DEXI: variants seen among roughly 807,000 people sequenced by gnomAD.
DEXI encodes Dexi homolog, also known as dexamethasone-induced protein.
Under a neutral mutation model 2.5 loss-of-function variants are expected in DEXI, and 2 were observed. That is an observed-to-expected ratio of 0.81 (90% CI 0.33 to 2.55). DEXI has a LOEUF of 2.55. Among genes scored for constraint, DEXI ranks in the 30% most tolerant of loss-of-function variants. The pLI is 0.11. For missense variants in DEXI, 108 were observed against 130.3 expected (o/e 0.83, Z 0.83); for synonymous variants, 71 against 68.7 (o/e 1.03, Z -0.17).
chr16:10,929,310 G>C lies in DEXI; in HGVS notation c.*399C>G. The C allele has an allele frequency of 3.0e-6, 3 of 985,960 alleles. No individual in the cohort carries two copies. Among genetic ancestry groups the C allele is most frequent in the Non-Finnish European group, 3.6e-6 (3 of 829,976 alleles). 61.1% of individuals were successfully genotyped at this position (985,960 alleles called of 1,614,324 possible). ...GGGGGAAGCAGGTGCGCTCCGGGAT[G>C]AAGTGCAGGGAGGCAAACTCTGGCT... On this transcript the variant is annotated 3_prime_UTR_variant, in exon 2 of 2. Coordinates refer to ENST00000331808, the MANE Select transcript of DEXI (RefSeq NM_014015.4). This position sits in a 1 kb window ranked among gnomAD's most constrained non-coding sequence, Gnocchi z 4.3.
rs1385454069 is a variant in DEXI at position 10,929,277 on chromosome 16, G to A, written c.*432C>T. The A allele has an allele frequency of 1.0e-6, 1 of 985,846 alleles. No individual in the cohort carries two copies. 61.1% of individuals were successfully genotyped at this position (985,846 alleles called of 1,614,324 possible). A position where few individuals can be genotyped will look rare whatever the true frequency, so the allele number is the denominator to read the frequency against. On this transcript the variant is annotated 3_prime_UTR_variant, in exon 2 of 2. Coordinates refer to ENST00000331808, the MANE Select transcript of DEXI (RefSeq NM_014015.4). The surrounding 1 kb of genome is among the most constrained non-coding windows in gnomAD (Gnocchi z 4.3). ...CGCAGTTTGAAGTGTCCTCTCCGAAGGTGAAGTGGGGGAAGCAGGTGCGCT... is the reference window on the plus strand; with the variant it reads ...CGCAGTTTGAAGTGTCCTCTCCGAAAGTGAAGTGGGGGAAGCAGGTGCGCT...
At chr16:10,930,674 C>G (rs2040747518) in intron 1 of DEXI, 1 of 152,206 alleles carries the variant, frequency 6.6e-6, no homozygotes, top group Non-Finnish European at 1.5e-5. Context: ...GGTACCATTT[C>G]CTGAGCTCTT....
chr16:10,936,133 G>C (rs2041013590), intron 1 of DEXI: 1 of 152,014 alleles, frequency 6.6e-6, no homozygotes, highest in Non-Finnish European at 1.5e-5. Context: ...TGGGACTATG[G>C]GCGTGTACCA....
At chr16:10,930,363 G>A (rs2040733134) in intron 1 of DEXI, 1 of 152,142 alleles carries the variant, frequency 6.6e-6, no homozygotes, top group African/African-American at 2.4e-5. Context: ...TGGCTGTTCT[G>A]GGCACTGAGC....
Position 10,941,698 on chromosome 16 carries a change from G to A in DEXI, c.*20C>T, listed in dbSNP as rs757816732. On this transcript the variant is annotated 3_prime_UTR_variant, in exon 1 of 2. Transcript: ENST00000331808. This position sits in a 1 kb window ranked among gnomAD's most constrained non-coding sequence, Gnocchi z 6.4. The stretch of plus-strand genomic sequence containing the variant: ...TGGGTTGCGGATCGTGTAGGGAAGA[G>A]GGGAACAGCAGTCGAGACCCTACTC... 4 of 1,591,670 alleles carry A rather than the reference G, an allele frequency of 2.5e-6. No homozygotes were observed. The South Asian group carries it at 3.4e-5, about 14-fold the overall frequency.
chr16:10,940,384 G>A lies in DEXI; in HGVS notation c.*149+1185C>T, dbSNP rs1008699279. 9.9e-5 allele frequency: 15 copies of A among 152,272 alleles called. No individual in the cohort carries two copies. The highest frequency in any genetic ancestry group is 9.8e-4 in the Admixed American group (15 of 15,292). 9.4% of individuals were successfully genotyped at this position (152,272 alleles called of 1,614,324 possible). ...AGCAGACTGAACTAAGACACCCTCT[G>A]CCTGTGGTTGTCTTGGCAAAGCCAG... On this transcript the variant is annotated intron_variant, in intron 1 of 1. Coordinates refer to ENST00000331808, the MANE Select transcript of DEXI (RefSeq NM_014015.4). The surrounding 1 kb of genome is among the most constrained non-coding windows in gnomAD (Gnocchi z 4.2).
chr16:10,935,463 T>C (rs988511793), intron 1 of DEXI: 2 of 152,264 alleles, frequency 1.3e-5, no homozygotes, highest in African/African-American at 2.4e-5. Flanking sequence ...AGTTAGTGTT[T>C]TTATCCATGC....
At position 10,939,257 on chromosome 16, in the gene DEXI, G is replaced by C. The variant is rs1020574397; in HGVS notation, c.*149+2312C>G. The stretch of plus-strand genomic sequence containing the variant: ...CCAAGCCTCTGTCACCTCTGGCCTG[G>C]ACAACTAACAGCATCTGAGGTGGTG... On this transcript the variant is annotated intron_variant, in intron 1 of 1. Coordinates refer to ENST00000331808, the MANE Select transcript of DEXI (RefSeq NM_014015.4). This position sits in a 1 kb window ranked among gnomAD's most constrained non-coding sequence, Gnocchi z 4.9. The C allele has an allele frequency of 6.6e-6, 1 of 152,204 alleles. No homozygotes were observed. Among genetic ancestry groups the C allele is most frequent in the African/African-American group, 2.4e-5 (1 of 41,418 alleles). 9.4% of individuals were successfully genotyped at this position (152,204 alleles called of 1,614,324 possible). A position where few individuals can be genotyped will look rare whatever the true frequency, so the allele number is the denominator to read the frequency against.
Position 10,942,180 on chromosome 16 carries a change from G to T in DEXI, c.-175C>A. 2.0e-6 allele frequency: 1 copy of T among 495,684 alleles called. No homozygotes were observed. The highest frequency in any genetic ancestry group is 5.0e-5 in the South Asian group (1 of 19,848). 30.7% of individuals were successfully genotyped at this position (495,684 alleles called of 1,614,324 possible). A position where few individuals can be genotyped will look rare whatever the true frequency, so the allele number is the denominator to read the frequency against. On this transcript the variant is annotated 5_prime_UTR_variant, in exon 1 of 2. Coordinates refer to ENST00000331808, the MANE Select transcript of DEXI (RefSeq NM_014015.4). The surrounding 1 kb of genome is among the most constrained non-coding windows in gnomAD (Gnocchi z 5.0). ...TGCGCCCCGACCCCCGAAATGCGCC[G>T]GGCGGGTCACCGCACCCCGAGATGT...
At position 10,941,714 on chromosome 16, in the gene DEXI, G is replaced by C; in HGVS notation, c.*4C>G. ...TAGGGAAGAGGGGAACAGCAGTCGA[G>C]ACCCTACTCCAAGTACGCATCAAAG... On this transcript the variant is annotated 3_prime_UTR_variant, in exon 1 of 2. Coordinates refer to ENST00000331808, the MANE Select transcript of DEXI (RefSeq NM_014015.4). This position sits in a 1 kb window ranked among gnomAD's most constrained non-coding sequence, Gnocchi z 6.4. 4 of 1,603,968 alleles carry C rather than the reference G, an allele frequency of 2.5e-6. No individual in the cohort carries two copies. The highest frequency in any genetic ancestry group is 3.4e-6 in the Non-Finnish European group (4 of 1,174,564).
chr16:10,942,361 G>A lies in DEXI; in HGVS notation c.-356C>T, dbSNP rs529197150. The stretch of plus-strand genomic sequence containing the variant: ...CGGCTCAGTGTCTAGGGCCGGTCCC[G>A]GCAGCCTTCTCTCCCGCCCCGCCCC... On this transcript the variant is annotated 5_prime_UTR_variant, in exon 1 of 2. Coordinates refer to ENST00000331808, the MANE Select transcript of DEXI (RefSeq NM_014015.4). The surrounding 1 kb of genome is among the most constrained non-coding windows in gnomAD (Gnocchi z 5.0). 10 of 189,152 alleles carry A rather than the reference G, an allele frequency of 5.3e-5. No homozygotes were observed. The South Asian group carries it at 7.7e-4, about 15-fold the overall frequency. 11.7% of individuals were successfully genotyped at this position (189,152 alleles called of 1,614,324 possible).
Position 10,939,379 on chromosome 16 carries a change from A to T in DEXI, c.*149+2190T>A, listed in dbSNP as rs1366233857. The T allele has an allele frequency of 1.3e-5, 2 of 152,350 alleles. No individual in the cohort carries two copies. Among genetic ancestry groups the T allele is most frequent in the Non-Finnish European group, 2.9e-5 (2 of 68,084 alleles). 9.4% of individuals were successfully genotyped at this position (152,350 alleles called of 1,614,324 possible). A position where few individuals can be genotyped will look rare whatever the true frequency, so the allele number is the denominator to read the frequency against. On this transcript the variant is annotated intron_variant, in intron 1 of 1. Transcript: ENST00000331808. This position sits in a 1 kb window ranked among gnomAD's most constrained non-coding sequence, Gnocchi z 4.9. ...TGGGATTGTGTCATCTCCTGCCTAGAACCTTCCAATGGCTTTCCACTGCTC... is the reference window on the plus strand; with the variant it reads ...TGGGATTGTGTCATCTCCTGCCTAGTACCTTCCAATGGCTTTCCACTGCTC...
In DEXI at chr16:10,942,122, A is replaced by G; in HGVS notation, c.-117T>C. ...CAGGGGTACCCTGGAGCCCGACAGA[A>G]GCAGGGCCGGGCTCCAGATGTCCCC... On this transcript the variant is annotated 5_prime_UTR_variant, in exon 1 of 2. Coordinates refer to ENST00000331808, the MANE Select transcript of DEXI (RefSeq NM_014015.4). The surrounding 1 kb of genome is among the most constrained non-coding windows in gnomAD (Gnocchi z 5.0). 1 of 744,808 alleles carries G rather than the reference A, an allele frequency of 1.3e-6. No individual in the cohort carries two copies. The highest frequency in any genetic ancestry group is 1.9e-6 in the Non-Finnish European group (1 of 518,532). The allele number at this position is 744,808 out of a possible 1,614,324, so 46.1% of individuals were successfully genotyped here.
intron 1 of DEXI, chr16:10,931,292 CA>C: frequency 6.5e-6 from 1 of 152,832 alleles, no homozygotes; most frequent in East Asian, 1.9e-4. Context: ...GCCTGGGTGA[CA>C]GAGACCCTGT....
rs2040662648 is a variant in DEXI, at chr16:10,929,126, G to T, written c.*583C>A. On this transcript the variant is annotated 3_prime_UTR_variant, in exon 2 of 2. Transcript: ENST00000331808. This position sits in a 1 kb window ranked among gnomAD's most constrained non-coding sequence, Gnocchi z 4.3. The stretch of plus-strand genomic sequence containing the variant: ...CCTCAGCCCCCCAACAGCTTCCTCA[G>T]CTTCTTTTTCTTCTGAGTCACCCCT... The T allele has an allele frequency of 2.4e-6, 2 of 821,400 alleles. No homozygotes were observed. The highest frequency in any genetic ancestry group is 2.9e-6 in the Non-Finnish European group (2 of 680,368). 50.9% of individuals were successfully genotyped at this position (821,400 alleles called of 1,614,324 possible). A position where few individuals can be genotyped will look rare whatever the true frequency, so the allele number is the denominator to read the frequency against.
chr16:10,933,685 G>A (rs1011042764), intron 1 of DEXI: 2 of 152,264 alleles, frequency 1.3e-5, no homozygotes, highest in South Asian at 2.1e-4. Context: ...AACCAATACC[G>A]GCAGGGAACC....
In DEXI at chr16:10,940,051, C is replaced by A. The variant is rs2041080543; in HGVS notation, c.*149+1518G>T. On this transcript the variant is annotated intron_variant, in intron 1 of 1. Coordinates refer to ENST00000331808, the MANE Select transcript of DEXI (RefSeq NM_014015.4). This position sits in a 1 kb window ranked among gnomAD's most constrained non-coding sequence, Gnocchi z 4.2. ...GCACTTGGTTCTCGCTAAGATGTTA[C>A]TGAGCTCAACTGAAGCTTTTTCTTC... The A allele has an allele frequency of 6.6e-6, 1 of 152,266 alleles. No homozygotes were observed. The highest frequency in any genetic ancestry group is 6.5e-5 in the Admixed American group (1 of 15,286). The allele number at this position is 152,266 out of a possible 1,614,324, so 9.4% of individuals were successfully genotyped here.
chr16:10,929,968 T>C lies in DEXI; in HGVS notation c.*150-409A>G, dbSNP rs6416648. 0.97 allele frequency: 147,984 copies of C among 152,368 alleles called. 71,987 individuals carry two copies. Among genetic ancestry groups the C allele is most frequent in the East Asian group, 1 (5,176 of 5,176 alleles). The allele number at this position is 152,368 out of a possible 1,614,324, so 9.4% of individuals were successfully genotyped here. A position where few individuals can be genotyped will look rare whatever the true frequency, so the allele number is the denominator to read the frequency against. Reference sequence around the variant, plus strand: ...TAGTGGGCAGGGCTTGGCAACACCTTCCACCTTGCCCGGAAAAATGCTTTG... The same window carrying C: ...TAGTGGGCAGGGCTTGGCAACACCTCCCACCTTGCCCGGAAAAATGCTTTG... On this transcript the variant is annotated intron_variant, in intron 1 of 1. Coordinates refer to ENST00000331808, the MANE Select transcript of DEXI (RefSeq NM_014015.4). The surrounding 1 kb of genome is among the most constrained non-coding windows in gnomAD (Gnocchi z 4.3).
rs530334121 is a variant in DEXI at position 10,929,649 on chromosome 16, G to A, written c.*150-90C>T. ...GGACAGGGACCAATCCACCAGGCTC[G>A]GGAGGCTTGGGGTGGGGCAGGGAAG... On this transcript the variant is annotated intron_variant, in intron 1 of 1. Coordinates refer to ENST00000331808, the MANE Select transcript of DEXI (RefSeq NM_014015.4). The surrounding 1 kb of genome is among the most constrained non-coding windows in gnomAD (Gnocchi z 4.3). 3.9e-4 allele frequency: 317 copies of A among 805,888 alleles called. No individual in the cohort carries two copies. Among genetic ancestry groups the A allele is most frequent in the Non-Finnish European group, 4.6e-4 (305 of 666,304 alleles). 49.9% of individuals were successfully genotyped at this position (805,888 alleles called of 1,614,324 possible).
Sources: allele counts gnomAD v4.1 joint callset, GRCh38; gene constraint gnomAD v4.1.1; non-coding constraint Gnocchi (gnomAD v3.1); transcripts MANE v1.5; gene names NCBI Gene and HGNC (gene_info 2026-07-23, HGNC 2026-07-21).